Variants in MICAL3 observed in about 807,000 individuals in gnomAD.
The protein encoded by MICAL3 is [F-actin]-monooxygenase MICAL3.
In MICAL3, 62 loss-of-function variants were observed where a neutral mutation model predicts 207.4. The observed-to-expected ratio is 0.30, with a 90% CI of 0.24 to 0.37. MICAL3 has a LOEUF of 0.37. Among genes scored for constraint, MICAL3 ranks in the 10% least tolerant of loss-of-function variants. MICAL3 has a pLI of 1.00. For missense variants in MICAL3, 2,368 were observed against 2,635.6 expected (o/e 0.90, Z 2.22); for synonymous variants, 1,077 against 1,069.3 (o/e 1.01, Z -0.14).
chr22:17,885,850 G>T (rs755303211), intron 16 of MICAL3, 28 bp downstream of exon 16: 1 of 1,609,492 alleles, frequency 6.2e-7, no homozygotes, highest in Non-Finnish European at 8.5e-7. Context: ...GACCAAATCG[G>T]TGTGGGCAGG....
intron 1 of MICAL3, among the ~76,000 whole-genome samples, chr22:17,997,220 C>T (rs764769713): frequency 3.9e-4 from 59 of 151,936 alleles, no homozygotes; most frequent in African/African-American, 1.4e-3. Flanking sequence ...CACACCACCA[C>T]GCCCAGCTAA....
chr22:17,896,286 A>G lies in MICAL3; in HGVS notation c.1282T>C (p.Trp428Arg). Residue 428 changes from tryptophan (W) to arginine (R), a missense_variant, in exon 9 of 32, where the codon TGG becomes CGG. By Grantham distance (101) the Trp-to-Arg change is moderately radical. Coordinates refer to ENST00000441493, the MANE Select transcript of MICAL3 (RefSeq NM_015241.3). Reference sequence around the variant, plus strand: ...TCCAAAGGGCTCGTTCCTAGAGACCAACTTCGGACCATCCAGGCAGAGTCC... The same window carrying G: ...TCCAAAGGGCTCGTTCCTAGAGACCGACTTCGGACCATCCAGGCAGAGTCC... ...AMDSAWMVRS[W>R]SLGTSPLEVL... 2 of 1,560,136 alleles carry G rather than the reference A, an allele frequency of 1.3e-6. No homozygotes were observed. Among genetic ancestry groups the G allele is most frequent in the South Asian group, 1.2e-5 (1 of 84,384 alleles).
At chr22:17,881,066 C>T (rs1460361733) in intron 16 of MICAL3, 2 of 765,470 alleles carry the variant, frequency 2.6e-6, no homozygotes, top group East Asian at 5.4e-5. Flanking sequence ...GCTTCCACCA[C>T]AAACGGTTTC....
chr22:17,976,967 C>G (rs1318587904), intron 1 of MICAL3, among the ~76,000 whole-genome samples: 1 of 151,936 alleles, frequency 6.6e-6, no homozygotes, highest in Non-Finnish European at 1.5e-5. Flanking sequence ...CCACCATGCC[C>G]GGCTAATTTT....
chr22:17,812,065 T>C (rs2062054378), intron 27 of MICAL3, among the ~76,000 whole-genome samples: 4 of 152,320 alleles, frequency 2.6e-5, no homozygotes, highest in Admixed American at 1.3e-4. Context: ...AAAACTTTTA[T>C]AGACTTCAAA....
chr22:17,927,774 C>T (rs1414480663), intron 1 of MICAL3, among the ~76,000 whole-genome samples: 2 of 152,114 alleles, frequency 1.3e-5, no homozygotes, highest in Admixed American at 1.3e-4. Context: ...CCTCCTCATC[C>T]ATCGGGGCTT....
intron 29 of MICAL3, among the ~76,000 whole-genome samples, chr22:17,805,789 C>T (rs1175789181): frequency 9.9e-5 from 15 of 152,188 alleles, no homozygotes; most frequent in African/African-American, 3.1e-4. Flanking sequence ...ACTGCAATGG[C>T]GTGATCTCGG....
intron 1 of MICAL3, among the ~76,000 whole-genome samples, chr22:17,931,878 T>C (rs1933282270): frequency 6.6e-6 from 1 of 152,282 alleles, no homozygotes; most frequent in South Asian, 2.1e-4. Flanking sequence ...TTTCACTTCA[T>C]TTGGCACATT....
intron 19 of MICAL3, among the ~76,000 whole-genome samples, chr22:17,855,596 C>T (rs966375896): frequency 6.6e-6 from 1 of 152,154 alleles, no homozygotes; most frequent in African/African-American, 2.4e-5. Context: ...AGGACCAAAA[C>T]GAAGGATGAT....
chr22:17,810,054 ATTTTTTTTTT>A (rs758573402), intron 28 of MICAL3, among the ~76,000 whole-genome samples: 34,313 of 97,338 alleles, frequency 0.35, 4,804 homozygotes, highest in Middle Eastern at 0.41. Context: ...ATGCCTGGCT[ATTTTTTTTTT>A]TTTTTTTTTT....
intron 19 of MICAL3, chr22:17,864,046 C>T (rs1926800797): frequency 1.0e-6 from 1 of 986,050 alleles, no homozygotes; most frequent in Non-Finnish European, 1.2e-6. Context: ...TTCAGAACAC[C>T]CAGCAGTTTG....
intron 1 of MICAL3, among the ~76,000 whole-genome samples, chr22:17,917,219 C>T (rs1932581724): frequency 6.6e-6 from 1 of 152,162 alleles, no homozygotes; most frequent in South Asian, 2.1e-4. Flanking sequence ...TGCGACCAAT[C>T]ACTTGTGTGA....
chr22:17,833,984 G>A (rs1049543409), intron 20 of MICAL3, among the ~76,000 whole-genome samples: 1 of 152,078 alleles, frequency 6.6e-6, no homozygotes, highest in Non-Finnish European at 1.5e-5. Context: ...TCCCTGTAAC[G>A]AACCATAACC....
intron 27 of MICAL3, chr22:17,812,399 G>A (rs934115754): frequency 3.4e-5 from 14 of 408,438 alleles, no homozygotes; most frequent in Admixed American, 1.3e-4. Flanking sequence ...CCCCATGCAC[G>A]CACAAACACA....
At chr22:17,791,606 T>A (rs1243762397) in intron 29 of MICAL3, 2 of 407,458 alleles carry the variant, frequency 4.9e-6, no homozygotes, top group African/African-American at 4.0e-5. Flanking sequence ...TGACTTACAT[T>A]GCTTTCCCTC....
Position 17,818,496 on chromosome 22 carries a change from G to A in MICAL3, c.4165C>T (p.Leu1389=). 1 of 1,613,088 alleles carries A rather than the reference G, an allele frequency of 6.2e-7. No individual in the cohort carries two copies. The highest frequency in any genetic ancestry group is 1.3e-5 in the African/African-American group (1 of 75,058). The change falls in exon 26 of 32, where the codon CTG becomes TTG. Residue 1389 remains leucine, a synonymous_variant. Transcript: ENST00000441493. ...TCGCCTTCCGGCTTTGGCAGGCCCAGCCTTTTGGGGATGGACAGAGGCTTG... is the reference window on the plus strand; with the variant it reads ...TCGCCTTCCGGCTTTGGCAGGCCCAACCTTTTGGGGATGGACAGAGGCTTG... ...LLKPLSIPKR[L]GLPKPEGEPL...
rs1427459208 is a variant in MICAL3, at chr22:17,841,776, T to C, written c.2801+46A>G. ...GAGACACACAGAGGTGAGGAGGCTC[T>C]TAGGGCCGTGTGGCGGGTGGGCGCC... On this transcript the variant is annotated intron_variant, in intron 20 of 31. Transcript: ENST00000441493. This position sits in a 1 kb window ranked among gnomAD's most constrained non-coding sequence, Gnocchi z 4.2. 1.3e-6 allele frequency: 2 copies of C among 1,536,514 alleles called. No individual in the cohort carries two copies. The highest frequency in any genetic ancestry group is 1.8e-6 in the Non-Finnish European group (2 of 1,139,168).
At chr22:17,971,681 G>A (rs1935418411) in intron 1 of MICAL3, among the ~76,000 whole-genome samples, 1 of 152,224 alleles carries the variant, frequency 6.6e-6, no homozygotes, top group South Asian at 2.1e-4. Context: ...GGTGGACACA[G>A]CCATCGGTGT....
chr22:17,991,023 C>T (rs1451557286), intron 1 of MICAL3, among the ~76,000 whole-genome samples: 1 of 152,236 alleles, frequency 6.6e-6, no homozygotes, highest in Non-Finnish European at 1.5e-5. Flanking sequence ...AGCAACTGCA[C>T]ACGGAGCTGA....
Sources: allele counts gnomAD v4.1 joint callset (sites outside exome capture counted in the v4.1 genomes callset), GRCh38; gene constraint gnomAD v4.1.1; non-coding constraint Gnocchi (gnomAD v3.1); transcripts MANE v1.5; gene names NCBI Gene and HGNC (gene_info 2026-07-23, HGNC 2026-07-21).